Variants in UGT1A8 observed in about 807,000 individuals in gnomAD.
UGT1A8 encodes the protein UDP-glucuronosyltransferase 1A8.
A neutral mutation model predicts 45.3 loss-of-function variants in UGT1A8; 39 were observed. The ratio of observed to expected loss-of-function variants is 0.86; its 90% CI spans 0.67 to 1.12. The LOEUF is 1.12. Among genes scored for constraint, UGT1A8 ranks in the 50% most tolerant of loss-of-function variants. UGT1A8 has a pLI of 0.00. For synonymous variants in UGT1A8, 275 were observed against 249.2 expected, an observed-to-expected ratio of 1.10 and a Z score of -0.97; for missense variants, 719 against 664.9, an observed-to-expected ratio of 1.08 and a Z score of -0.90.
chr2:233,717,696 G>A (rs1442424545), intron 1 of UGT1A8: 1 of 445,086 alleles, frequency 2.2e-6, no homozygotes, highest in Non-Finnish European at 4.6e-6. Context: ...GTGACTTTCT[G>A]GAGCAGGACG....
chr2:233,729,365 A>G, intron 1 of UGT1A8: 4 of 1,614,132 alleles, frequency 2.5e-6, no homozygotes, highest in African/African-American at 2.7e-5. Flanking sequence ...CTGACAACCT[A>G]TGCCATTTCG....
rs140814031 is a variant in UGT1A8, at chr2:233,682,289, G to T, written c.855+63727G>T. 1.2e-3 allele frequency: 1,976 copies of T among 1,614,118 alleles called. 25 individuals are homozygous for T. Among genetic ancestry groups the T allele is most frequent in the Middle Eastern group, 3.3e-4 (2 of 6,062 alleles). On this transcript the variant is annotated intron_variant, in intron 1 of 4. Transcript: ENST00000373450. ...AACAAGTTCATCCAATGGTATTTTT[G>T]ACTTATTTTTTTCAAATTGCAGGAG... is the stretch of plus-strand genomic sequence containing the variant.
chr2:233,741,851 G>T (rs1691795125), intron 1 of UGT1A8: 2 of 151,836 alleles, frequency 1.3e-5, no homozygotes, highest in South Asian at 4.1e-4. Flanking sequence ...TTGCTCTCAT[G>T]CCTTATGCAA....
intron 1 of UGT1A8, among the ~76,000 whole-genome samples, chr2:233,698,132 G>A (rs1231040285): frequency 6.6e-6 from 1 of 152,170 alleles, no homozygotes; most frequent in Non-Finnish European, 1.5e-5. Flanking sequence ...CCTTGTTTGT[G>A]TCTCAACTGT....
At chr2:233,717,004 T>C (rs549183573) in intron 1 of UGT1A8, among the ~76,000 whole-genome samples, 2 of 152,292 alleles carry the variant, frequency 1.3e-5, no homozygotes, top group East Asian at 1.9e-4. Context: ...AGGGCCCCTA[T>C]GTCTCTGAAG....
intron 1 of UGT1A8, among the ~76,000 whole-genome samples, chr2:233,766,011 CCTT>C (rs1699028411): frequency 6.6e-6 from 1 of 152,070 alleles, no homozygotes; most frequent in Non-Finnish European, 1.5e-5. Flanking sequence ...TGGGTTATGG[CCTT>C]CTTTTAGTTT....
chr2:233,693,045 G>A (rs2075129048), intron 1 of UGT1A8: 2 of 1,614,114 alleles, frequency 1.2e-6, no homozygotes, highest in South Asian at 1.1e-5. Flanking sequence ...ATTTCTGCAG[G>A]GGTTTTCTTC....
At chr2:233,686,815 C>T (rs549332293) in intron 1 of UGT1A8, among the ~76,000 whole-genome samples, 8 of 152,260 alleles carry the variant, frequency 5.3e-5, no homozygotes, top group Non-Finnish European at 7.4e-5. Flanking sequence ...CTTTTCCCTA[C>T]CTATTTTATT....
chr2:233,746,953 T>A (rs984665888), intron 1 of UGT1A8, among the ~76,000 whole-genome samples: 1 of 151,790 alleles, frequency 6.6e-6, no homozygotes, highest in Non-Finnish European at 1.5e-5. Context: ...AACAAGAGCT[T>A]GAACTTGGAT....
chr2:233,672,302 A>G (rs747137534), intron 1 of UGT1A8: 1 of 1,613,810 alleles, frequency 6.2e-7, no homozygotes, highest in Non-Finnish European at 8.5e-7. Context: ...TTTTTTTCAA[A>G]TTGCAGGAGT....
intron 1 of UGT1A8, among the ~76,000 whole-genome samples, chr2:233,750,203 C>A (rs1694389786): frequency 6.6e-6 from 1 of 151,828 alleles, no homozygotes; most frequent in African/African-American, 2.4e-5. Context: ...GAAGTCCAGG[C>A]TGAGTCTCAG....
At chr2:233,762,186 C>A (rs1400291325) in intron 1 of UGT1A8, among the ~76,000 whole-genome samples, 1 of 152,134 alleles carries the variant, frequency 6.6e-6, no homozygotes, top group African/African-American at 2.4e-5. Context: ...TCAACACCTG[C>A]CAATGGGTCT....
At chr2:233,656,802 G>T (rs2073863321) in intron 1 of UGT1A8, among the ~76,000 whole-genome samples, 1 of 152,150 alleles carries the variant, frequency 6.6e-6, no homozygotes. Flanking sequence ...CGATTCACTT[G>T]TTGTGGGAGA....
At chr2:233,739,460 T>C (rs1385095028) in intron 1 of UGT1A8, among the ~76,000 whole-genome samples, 1 of 152,240 alleles carries the variant, frequency 6.6e-6, no homozygotes, top group African/African-American at 2.4e-5. Context: ...GGGTTGGAGC[T>C]GCCTGAGACC....
At chr2:233,750,055 CT>C (rs1365939187) in intron 1 of UGT1A8, among the ~76,000 whole-genome samples, 2 of 151,758 alleles carry the variant, frequency 1.3e-5, no homozygotes, top group Non-Finnish European at 2.9e-5. Context: ...GTGGAAGTGA[CT>C]TTGGAACTGG....
At chr2:233,717,517 C>T (rs1267847628) in intron 1 of UGT1A8, among the ~76,000 whole-genome samples, 2 of 152,244 alleles carry the variant, frequency 1.3e-5, no homozygotes, top group African/African-American at 2.4e-5. Flanking sequence ...ATGGGAGTAA[C>T]TTCCTCCATA....
chr2:233,771,547 G>A (rs1443760906), intron 4 of UGT1A8: 1 of 152,190 alleles, frequency 6.6e-6, no homozygotes, highest in Non-Finnish European at 1.5e-5. Context: ...ACTTACAAAT[G>A]GCTGTTAATT....
chr2:233,626,731 T>C (rs1017228287), intron 1 of UGT1A8, among the ~76,000 whole-genome samples: 8 of 152,020 alleles, frequency 5.3e-5, no homozygotes, highest in African/African-American at 1.4e-4. Flanking sequence ...GTGTAATGAG[T>C]TCTAAAGTTC....
intron 1 of UGT1A8, among the ~76,000 whole-genome samples, chr2:233,744,679 T>C (rs1489705981): frequency 6.6e-6 from 1 of 151,892 alleles, no homozygotes; most frequent in Admixed American, 6.5e-5. Flanking sequence ...ACATCACCCA[T>C]GTAGCTTCTG....
Sources: gnomAD v4.1 joint callset for allele counts (sites outside exome capture counted in the v4.1 genomes callset) on GRCh38, gnomAD v4.1.1 for gene constraint, MANE v1.5 for transcripts, NCBI Gene and HGNC (gene_info 2026-07-23, HGNC 2026-07-21) for gene names.